The following CTIF variants were observed in gnomAD, a reference collection of about 807,000 sequenced individuals.
CTIF encodes CBP80/20-dependent translation initiation factor.
In CTIF, 21 loss-of-function variants were observed where a neutral mutation model predicts 66.0. The ratio of observed to expected loss-of-function variants is 0.32; its 90% confidence interval spans 0.23 to 0.46. The LOEUF is 0.46. CTIF is among the 20% of genes least tolerant of loss of function. CTIF has a pLI of 1.00. For synonymous variants in CTIF, 345 were observed against 326.4 expected (o/e 1.06, Z -0.62); for missense variants, 739 against 812.7 (o/e 0.91, Z 1.10).
chr18:48,786,103 C>T (rs1344499825), intron 9 of CTIF, among the ~76,000 whole-genome samples: 3 of 152,146 alleles, frequency 2.0e-5, no homozygotes, highest in African/African-American at 7.2e-5. Flanking sequence ...CCTGTACAGA[C>T]CCCGCACAGC....
At chr18:48,734,069 C>T (rs1005266443) in intron 7 of CTIF, among the ~76,000 whole-genome samples, 2 of 152,232 alleles carry the variant, frequency 1.3e-5, no homozygotes, top group Admixed American at 6.5e-5. Flanking sequence ...GTTCTTCTAA[C>T]TCTGCTAAGC....
chr18:48,730,938 A>G lies in CTIF; in HGVS notation c.584+19243A>G, dbSNP rs76660881. Among the ~76,000 whole-genome samples the G allele has an allele frequency of 2.0e-5, 3 of 152,220 alleles. No homozygotes were observed. The East Asian group carries it at 5.8e-4, about 29-fold the overall frequency. ...TTTTCATCATGGCAAAAATCCTGTC[A>G]GATGACCCTGCTCTGGGGAAACTCT... is the stretch of plus-strand genomic sequence containing the variant. On this transcript the variant is annotated intron_variant, in intron 7 of 11. Coordinates refer to ENST00000256413, the MANE Select transcript of CTIF (RefSeq NM_014772.3).
At chr18:48,603,009 G>A (rs1490135589) in intron 1 of CTIF, among the ~76,000 whole-genome samples, 1 of 149,734 alleles carries the variant, frequency 6.7e-6, no homozygotes, top group Non-Finnish European at 1.5e-5. Flanking sequence ...GAATGAATGG[G>A]TAGATGAATA....
chr18:48,776,086 T>C lies in CTIF; in HGVS notation c.1371+14397T>C, dbSNP rs139481349. Among the ~76,000 whole-genome samples the C allele has an allele frequency of 9.3e-3, 1,420 of 152,364 alleles. 6 individuals are homozygous for C. The highest frequency in any genetic ancestry group is 0.031 in the Middle Eastern group (9 of 294). ...AGGTGGCAGAGTGGGCTGCTGAATC[T>C]GCGACCCTGGCCAGGCTCCAGGGCC... On this transcript the variant is annotated intron_variant, in intron 9 of 11. Transcript: ENST00000256413.
Position 48,859,673 on chromosome 18 carries a change from G to A in CTIF, c.*114G>A, listed in dbSNP as rs771116804. The A allele has an allele frequency of 1.6e-4, 155 of 987,630 alleles. No individual in the cohort carries two copies. Among genetic ancestry groups the A allele is most frequent in the Non-Finnish European group, 2.3e-4 (147 of 631,478 alleles). The allele number at this position is 987,630 out of a possible 1,614,324, so 61.2% of individuals were successfully genotyped here. ...TGGCGGGAGAAAGAAATGGGGAGGA[G>A]GGCAGGCAGAGTCGGTGGCCAGTCT... is the stretch of plus-strand genomic sequence containing the variant. On this transcript the variant is annotated 3_prime_UTR_variant, in exon 12 of 12. Transcript: ENST00000256413.
chr18:48,724,080 C>T (rs888448385), intron 7 of CTIF, among the ~76,000 whole-genome samples: 9 of 152,164 alleles, frequency 5.9e-5, no homozygotes, highest in African/African-American at 1.7e-4. Context: ...CAGCATATGC[C>T]ACCTTCTCCA....
intron 10 of CTIF, 25 bp from the exon 11 acceptor site, chr18:48,857,563 T>C: frequency 6.2e-7 from 1 of 1,600,442 alleles, no homozygotes; most frequent in East Asian, 2.3e-5. Flanking sequence ...CCTTCAGTGG[T>C]GCTCTCTGCC....
chr18:48,659,443 T>C (rs1364963131), intron 3 of CTIF, among the ~76,000 whole-genome samples: 2 of 152,214 alleles, frequency 1.3e-5, no homozygotes, highest in African/African-American at 4.8e-5. Context: ...CCTCCAGGGC[T>C]GCTGAGCTTC....
At chr18:48,797,809 G>A (rs767404960) in intron 9 of CTIF, among the ~76,000 whole-genome samples, 3 of 152,066 alleles carry the variant, frequency 2.0e-5, no homozygotes, top group Non-Finnish European at 1.5e-5. Flanking sequence ...AGGTAACAGG[G>A]AGCATCTTAC....
chr18:48,838,691 T>C (rs2146521645), intron 10 of CTIF, among the ~76,000 whole-genome samples: 1 of 152,302 alleles, frequency 6.6e-6, no homozygotes, highest in Non-Finnish European at 1.5e-5. Context: ...GTGTTCACCT[T>C]TACAGCCTTC....
chr18:48,633,616 C>T (rs888107544), intron 2 of CTIF, among the ~76,000 whole-genome samples: 3 of 152,012 alleles, frequency 2.0e-5, no homozygotes, highest in East Asian at 1.9e-4. Flanking sequence ...GCAAGAGAAT[C>T]GCTTGAACCT....
At chr18:48,844,298 A>G (rs918633283) in intron 10 of CTIF, among the ~76,000 whole-genome samples, 4 of 152,316 alleles carry the variant, frequency 2.6e-5, no homozygotes, top group Admixed American at 2.6e-4. Context: ...GGCTGCAGGC[A>G]CTGTGAACAG....
At chr18:48,689,959 C>T (rs183369747) in intron 6 of CTIF, among the ~76,000 whole-genome samples, 75 of 152,286 alleles carry the variant, frequency 4.9e-4, no homozygotes, top group African/African-American at 1.3e-3. Context: ...GAGATACTTA[C>T]ATCATAGAAA....
At chr18:48,754,936 G>A (rs1908207559) in intron 7 of CTIF, among the ~76,000 whole-genome samples, 1 of 152,248 alleles carries the variant, frequency 6.6e-6, no homozygotes, top group African/African-American at 2.4e-5. Context: ...TAGCCATATA[G>A]CAATTACTTC....
chr18:48,815,418 T>G (rs2068341777), intron 9 of CTIF, among the ~76,000 whole-genome samples: 1 of 152,226 alleles, frequency 6.6e-6, no homozygotes, highest in Non-Finnish European at 1.5e-5. Flanking sequence ...TATAGGACCA[T>G]TGTGATAACT....
chr18:48,621,752 T>G (rs2090497539), intron 2 of CTIF: 2 of 250,208 alleles, frequency 8.0e-6, no homozygotes, highest in Admixed American at 1.1e-4. Context: ...CAGAAGGAGA[T>G]GGCCTGGAGA....
intron 7 of CTIF, among the ~76,000 whole-genome samples, chr18:48,721,655 GA>G (rs1364194108): frequency 6.6e-6 from 1 of 152,200 alleles, no homozygotes; most frequent in Non-Finnish European, 1.5e-5. Context: ...CCATTGTGCA[GA>G]CTACAGGGAT....
chr18:48,626,656 G>GCTT (rs373460550), intron 2 of CTIF, among the ~76,000 whole-genome samples: 10 of 108,064 alleles, frequency 9.3e-5, no homozygotes, highest in Non-Finnish European at 1.1e-4. Flanking sequence ...TTTTTTTTTT[G>GCTT]TTTTTTTTTT....
At chr18:48,733,822 C>T (rs1222628968) in intron 7 of CTIF, among the ~76,000 whole-genome samples, 1 of 152,226 alleles carries the variant, frequency 6.6e-6, no homozygotes, top group Non-Finnish European at 1.5e-5. Flanking sequence ...TGCTTGCTCC[C>T]AACTCACCCT....
Sources: allele counts gnomAD v4.1 joint callset (sites outside exome capture counted in the v4.1 genomes callset), GRCh38; gene constraint gnomAD v4.1.1; transcripts MANE v1.5; gene names NCBI Gene and HGNC (gene_info 2026-07-23, HGNC 2026-07-21).